Variants in SCNN1A observed in about 807,000 individuals in gnomAD.
The protein encoded by SCNN1A is sodium channel epithelial 1 subunit alpha.
In SCNN1A, 65 loss-of-function variants were observed where a neutral mutation model predicts 68.6. That is an observed-to-expected ratio of 0.95 (90% confidence interval 0.78 to 1.16). SCNN1A has a LOEUF of 1.16. SCNN1A is among the 50% of genes most tolerant of loss of function. The pLI is 0.00. For synonymous variants in SCNN1A, 357 were observed against 353.3 expected (o/e 1.01, Z -0.12); for missense variants, 880 against 865.9 (o/e 1.02, Z -0.20).
upstream of SCNN1A, chr12:6,375,724 G>C (rs1948895107): frequency 1.4e-6 from 2 of 1,424,624 alleles, no homozygotes; most frequent in South Asian, 3.0e-5. Flanking sequence ...AGGGGCTTTA[G>C]ACGCAGACAG....
chr12:6,354,246 AAG>A (rs773667704), intron 8 of SCNN1A, among the ~76,000 whole-genome samples, 190 bp downstream of exon 8: 2 of 151,964 alleles, frequency 1.3e-5, no homozygotes, highest in Non-Finnish European at 1.5e-5. Flanking sequence ...AATAGAAAAA[AAG>A]AGAGAGAGAC....
At chr12:6,362,365 A>C (rs1364933989) in intron 3 of SCNN1A, 124 bp from the exon 4 acceptor site, 1 of 844,330 alleles carries the variant, frequency 1.2e-6, no homozygotes, top group Non-Finnish European at 2.0e-6. Flanking sequence ...GGAAGCCAGG[A>C]GTGGGGAAAG....
intron 8 of SCNN1A, chr12:6,349,699 A>G (rs1409232918): frequency 3.2e-6 from 1 of 312,052 alleles, no homozygotes; most frequent in East Asian, 7.0e-5. Context: ...ACAGAGTGAG[A>G]CCTTGTCTCT....
At chr12:6,370,722 G>A (rs887591986) in intron 2 of SCNN1A, among the ~76,000 whole-genome samples, 7 of 152,206 alleles carry the variant, frequency 4.6e-5, no homozygotes, top group East Asian at 1.9e-4. Flanking sequence ...AGGCAGGGAC[G>A]GCCTCCCTAG....
At position 6,347,860 on chromosome 12, in the gene SCNN1A, C is replaced by T. The variant is rs538153841; in HGVS notation, c.*13G>A. The stretch of plus-strand genomic sequence containing the variant: ...GAGCATCTGCCTTGGTGTGAGAAAC[C>T]TCTCCTTCCCTCTCAGGGCCCCCCC... On this transcript the variant is annotated 3_prime_UTR_variant, in exon 13 of 13. Transcript: ENST00000228916. 40 of 1,596,894 alleles carry T rather than the reference C, an allele frequency of 2.5e-5. No individual in the cohort carries two copies. In the South Asian group the frequency reaches 3.4e-4, roughly 13 times the overall value.
intron 4 of SCNN1A, among the ~76,000 whole-genome samples, chr12:6,359,933 G>C (rs367982762): frequency 2.6e-5 from 4 of 152,130 alleles, no homozygotes; most frequent in African/African-American, 9.6e-5. Context: ...ACCACACCCG[G>C]CTAATTTTTA....
intron 3 of SCNN1A, among the ~76,000 whole-genome samples, chr12:6,362,704 CG>C (rs1308725986): frequency 6.6e-6 from 1 of 151,232 alleles, no homozygotes; most frequent in African/African-American, 2.4e-5. Flanking sequence ...TTTTGGCAGA[CG>C]AGCTCACTCT....
chr12:6,367,340 A>G (rs1295429683), intron 2 of SCNN1A, among the ~76,000 whole-genome samples: 1 of 152,246 alleles, frequency 6.6e-6, no homozygotes, highest in Non-Finnish European at 1.5e-5. Context: ...TTGTTAAAAG[A>G]AGAACGTTAG....
At chr12:6,358,623 C>T (rs1157797525) in intron 4 of SCNN1A, among the ~76,000 whole-genome samples, 1 of 152,000 alleles carries the variant, frequency 6.6e-6, no homozygotes, top group East Asian at 1.9e-4. Flanking sequence ...CTTTGGGAGG[C>T]CGAGGCAGGA....
Position 6,347,780 on chromosome 12 carries a change from G to A in SCNN1A, c.*93C>T. The stretch of plus-strand genomic sequence containing the variant: ...TCAACGGCAGTTTGGGCGGCTCTGA[G>A]AGGAAGCCCTGCACATCCTTCAATC... On this transcript the variant is annotated 3_prime_UTR_variant, in exon 13 of 13. Coordinates refer to ENST00000228916, the MANE Select transcript of SCNN1A (RefSeq NM_001038.6). 1 of 1,144,752 alleles carries A rather than the reference G, an allele frequency of 8.7e-7. No individual in the cohort carries two copies. Among genetic ancestry groups the A allele is most frequent in the Non-Finnish European group, 1.3e-6 (1 of 778,664 alleles). 70.9% of individuals were successfully genotyped at this position (1,144,752 alleles called of 1,614,324 possible).
Position 6,347,813 on chromosome 12 carries a change from G to A in SCNN1A, c.*60C>T. 1 of 1,450,764 alleles carries A rather than the reference G, an allele frequency of 6.9e-7. No individual in the cohort carries two copies. The highest frequency in any genetic ancestry group is 1.8e-5 in the Admixed American group (1 of 55,356). The allele number at this position is 1,450,764 out of a possible 1,614,324, so 89.9% of individuals were successfully genotyped here. ...CCTGCACATCCTTCAATCTTGCCAGGGCCAGCACCCTCCCACCAGAGGAGC... is the reference window on the plus strand; with the variant it reads ...CCTGCACATCCTTCAATCTTGCCAGAGCCAGCACCCTCCCACCAGAGGAGC... On this transcript the variant is annotated 3_prime_UTR_variant, in exon 13 of 13. Transcript: ENST00000228916.
intron 4 of SCNN1A, among the ~76,000 whole-genome samples, chr12:6,357,694 T>C (rs1183764687): frequency 6.6e-6 from 1 of 152,060 alleles, no homozygotes; most frequent in East Asian, 1.9e-4. Flanking sequence ...CAGTATAATG[T>C]GATGGTTAAG....
At position 6,351,572 on chromosome 12, in the gene SCNN1A, A is replaced by G. The variant is rs1046244381; in HGVS notation, c.1361-2167T>C. Among the ~76,000 whole-genome samples the G allele has an allele frequency of 3.3e-5, 5 of 151,300 alleles. No individual in the cohort carries two copies. The highest frequency in any genetic ancestry group is 1.2e-4 in the African/African-American group (5 of 41,132). On this transcript the variant is annotated intron_variant, in intron 8 of 12. Transcript: ENST00000228916. The surrounding 1 kb of genome is among the most constrained non-coding windows in gnomAD (Gnocchi z 4.2). ...AACCTGAGAGGCAGAGGTAGCAGTG[A>G]GCCAAGATCGCGCCACTGCACTCCA...
intron 11 of SCNN1A, 27 bp downstream of exon 11, chr12:6,348,923 T>C (rs537690994): frequency 6.2e-7 from 1 of 1,613,562 alleles, no homozygotes; most frequent in South Asian, 1.1e-5. Context: ...ATTCCCTTCT[T>C]GTGGCTGGGA....
Position 6,374,863 on chromosome 12 carries a change from G to A in SCNN1A, c.-54-26C>T, listed in dbSNP as rs189826690. The A allele has an allele frequency of 1.2e-4, 188 of 1,614,068 alleles. No individual in the cohort carries two copies. The highest frequency in any genetic ancestry group is 1.3e-4 in the Non-Finnish European group (157 of 1,180,000). On this transcript the variant is annotated intron_variant, in intron 1 of 12. Coordinates refer to ENST00000228916, the MANE Select transcript of SCNN1A (RefSeq NM_001038.6). The surrounding 1 kb of genome is among the most constrained non-coding windows in gnomAD (Gnocchi z 6.2). ...CTTCATGAGCCCCGGAGTGGATTGGGGAGAGCAAGGGTCAGGGTCAAGGCT... is the reference window on the plus strand; with the variant it reads ...CTTCATGAGCCCCGGAGTGGATTGGAGAGAGCAAGGGTCAGGGTCAAGGCT...
chr12:6,357,240 G>A (rs1249495923), intron 4 of SCNN1A, among the ~76,000 whole-genome samples: 4 of 152,138 alleles, frequency 2.6e-5, no homozygotes, highest in African/African-American at 7.2e-5. Context: ...TTCCATCAGC[G>A]GTGGAGAAAC....
intron 2 of SCNN1A, among the ~76,000 whole-genome samples, chr12:6,370,532 G>A (rs1012447399): frequency 2.6e-5 from 4 of 152,200 alleles, no homozygotes; most frequent in African/African-American, 9.6e-5. Context: ...CCTAACAGCC[G>A]TGGGAGCCGC....
At position 6,363,474 on chromosome 12, in the gene SCNN1A, T is replaced by A; in HGVS notation, c.653A>T (p.Asp218Val). The change falls in exon 3 of 13, where the codon GAC (aspartate) becomes GTC (valine). Residue 218 changes from aspartate (D) to valine (V), a missense_variant. Coordinates refer to ENST00000228916, the MANE Select transcript of SCNN1A (RefSeq NM_001038.6). ...GAAGCCGATCTTCCAGTCCTTCCAG[T>A]CCACCTGGGGGTTGTTGTCCCGCAA... ...SSLRDNNPQVDWKDWKIGFQL... is the reference protein window; with the variant it reads ...SSLRDNNPQVVWKDWKIGFQL... The A allele has an allele frequency of 6.2e-7, 1 of 1,602,872 alleles. No homozygotes were observed. Among genetic ancestry groups the A allele is most frequent in the African/African-American group, 1.3e-5 (1 of 74,156 alleles).
intron 2 of SCNN1A, among the ~76,000 whole-genome samples, chr12:6,368,816 C>G (rs1948724032): frequency 1.3e-5 from 2 of 152,198 alleles, no homozygotes; most frequent in Admixed American, 1.3e-4. Context: ...CACACACTTT[C>G]TGTCTGTGTA....
Sources: gnomAD v4.1 joint callset for allele counts (sites outside exome capture counted in the v4.1 genomes callset) on GRCh38, gnomAD v4.1.1 for gene constraint, Gnocchi (gnomAD v3.1) non-coding constraint, MANE v1.5 for transcripts, NCBI Gene and HGNC (gene_info 2026-07-23, HGNC 2026-07-21) for gene names.